HIVEP3: variants seen among roughly 807,000 people sequenced by gnomAD.
HIVEP3 encodes the protein HIVEP zinc finger 3, also known as transcription factor HIVEP3.
A neutral mutation model predicts 152.8 loss-of-function variants in HIVEP3; 49 were observed. The observed-to-expected ratio is 0.32, with a 90% confidence interval of 0.26 to 0.41. The LOEUF (loss-of-function observed/expected upper bound fraction) is 0.41, where lower values mean the gene tolerates loss of function less well. Ranked by LOEUF, HIVEP3 falls within the 10% of genes least tolerant of loss-of-function variation. The pLI, the probability that HIVEP3 is intolerant of heterozygous loss-of-function variation, is 1.00. For missense variants in HIVEP3, 2,790 were observed against 3,103.3 expected, an observed-to-expected ratio of 0.90 and a Z score of 2.40; for synonymous variants, 1,269 against 1,289.0, an observed-to-expected ratio of 0.98 and a Z score of 0.33.
At chr1:41,886,439 G>A (rs1160457001) in intron 1 of HIVEP3, among the ~76,000 whole-genome samples, 1 of 152,082 alleles carries the variant, frequency 6.6e-6, no homozygotes. Context: ...CGGTCCGGGT[G>A]CGGTGGCTCA....
chr1:41,640,794 G>C (rs543491889), intron 2 of HIVEP3, among the ~76,000 whole-genome samples: 2 of 152,208 alleles, frequency 1.3e-5, no homozygotes, highest in African/African-American at 2.4e-5. Flanking sequence ...CTACGGTCAG[G>C]CTCCATCATC....
intron 1 of HIVEP3, among the ~76,000 whole-genome samples, chr1:41,839,947 T>A (rs577777256): frequency 2.6e-5 from 4 of 152,330 alleles, no homozygotes; most frequent in Middle Eastern, 3.4e-3. Context: ...GTGTGACTAT[T>A]TAAATGAGAT....
chr1:41,825,016 G>A (rs1333093571), intron 1 of HIVEP3, among the ~76,000 whole-genome samples: 1 of 151,918 alleles, frequency 6.6e-6, no homozygotes, highest in Non-Finnish European at 1.5e-5. Flanking sequence ...GGGATTACAG[G>A]TGTTACCCAT....
chr1:41,528,318 T>G (rs1291431880), intron 5 of HIVEP3, among the ~76,000 whole-genome samples: 1 of 58,836 alleles, frequency 1.7e-5, no homozygotes, highest in African/African-American at 7.1e-5. Context: ...ACCTTCACAC[T>G]CCACACCCCC....
In HIVEP3 at chr1:41,583,200, G is replaced by A. The variant is rs374942605; in HGVS notation, c.1598C>T (p.Pro533Leu). 1.1e-5 allele frequency: 17 copies of A among 1,611,252 alleles called. No homozygotes were observed. The highest frequency in any genetic ancestry group is 5.0e-5 in the Admixed American group (3 of 59,958). Residue 533 changes from proline to leucine, a missense_variant, in exon 4 of 9, where the codon CCC (proline) becomes CTC (leucine). Around this residue, in one of 9 missense-constraint regions of HIVEP3, gnomAD observed 339 missense variants for 327.0 expected, o/e 1.04. Coordinates refer to ENST00000372583, the MANE Select transcript of HIVEP3 (RefSeq NM_024503.5). The surrounding 1 kb of genome is among the most constrained non-coding windows in gnomAD (Gnocchi z 6.9). ...GTGGCTTCTCAGGAGAGGCACAGGG[G>A]GGGCGGTACTGGGCGGGTGCTGGAG... ...LSLQHPPSTA[P>L]PVPLLRSHSM...
intron 1 of HIVEP3, among the ~76,000 whole-genome samples, chr1:41,973,543 A>G (rs1368296738): frequency 6.6e-6 from 1 of 152,270 alleles, no homozygotes; most frequent in African/African-American, 2.4e-5. Context: ...ACCAATGGAA[A>G]GAGAAAGAGA....
intron 1 of HIVEP3, among the ~76,000 whole-genome samples, chr1:41,806,726 C>T (rs748501060): frequency 1.2e-4 from 19 of 152,174 alleles, no homozygotes; most frequent in Admixed American, 3.9e-4. Flanking sequence ...CCTTGGAAGG[C>T]GCAGGGCCGG....
At chr1:41,884,723 C>G (rs2985845) in intron 1 of HIVEP3, among the ~76,000 whole-genome samples, 118,786 of 151,572 alleles carry the variant, frequency 0.78, 46,922 homozygotes, top group East Asian at 1. Flanking sequence ...TGGGTTCTAA[C>G]AGTGGCTCCT....
At chr1:41,946,193 C>T (rs950005253) in intron 1 of HIVEP3, among the ~76,000 whole-genome samples, 15 of 152,330 alleles carry the variant, frequency 9.8e-5, no homozygotes, top group Non-Finnish European at 2.1e-4. Flanking sequence ...TAAGCCGCCC[C>T]TCGTCCATGC....
intron 1 of HIVEP3, among the ~76,000 whole-genome samples, chr1:42,028,657 G>T (rs1361353394): frequency 6.6e-6 from 1 of 152,142 alleles, no homozygotes; most frequent in African/African-American, 2.4e-5. Flanking sequence ...CTGTTTATAT[G>T]CCAAGTATAG....
At chr1:41,780,780 C>A (rs1248571765) in intron 1 of HIVEP3, among the ~76,000 whole-genome samples, 11 of 152,094 alleles carry the variant, frequency 7.2e-5, no homozygotes, top group Admixed American at 7.2e-4. Flanking sequence ...CACCTAGGGG[C>A]TTCTGGTGAG....
intron 1 of HIVEP3, among the ~76,000 whole-genome samples, chr1:41,939,145 TC>T (rs1302599669): frequency 6.6e-6 from 1 of 152,176 alleles, no homozygotes; most frequent in Non-Finnish European, 1.5e-5. Context: ...TGAGAATGGC[TC>T]TTCTTTTTGT....
intron 2 of HIVEP3, among the ~76,000 whole-genome samples, chr1:41,671,110 C>G (rs1335895204): frequency 6.6e-6 from 1 of 152,206 alleles, no homozygotes; most frequent in Non-Finnish European, 1.5e-5. Flanking sequence ...CCCCTCCCCA[C>G]CCTGCCTCTC....
intron 2 of HIVEP3, among the ~76,000 whole-genome samples, chr1:41,638,097 C>T (rs776929439): frequency 6.6e-6 from 1 of 152,076 alleles, no homozygotes; most frequent in African/African-American, 2.4e-5. Context: ...TCACTTACTG[C>T]ATACAATGTA....
intron 2 of HIVEP3, among the ~76,000 whole-genome samples, chr1:41,655,582 C>CAAAAAAAAA (rs55918119): frequency 1.7e-5 from 1 of 57,432 alleles, no homozygotes; most frequent in Non-Finnish European, 3.4e-5. Context: ...CACTCCATCT[C>CAAAAAAAAA]AAAAAAAAAA....
intron 1 of HIVEP3, among the ~76,000 whole-genome samples, chr1:41,765,202 A>G (rs1394200482): frequency 3.3e-5 from 5 of 152,080 alleles, no homozygotes; most frequent in Non-Finnish European, 7.4e-5. Context: ...TAATTAATTA[A>G]CGTTTTCCCT....
chr1:41,694,089 T>G (rs1032872646), intron 2 of HIVEP3, among the ~76,000 whole-genome samples: 10 of 152,366 alleles, frequency 6.6e-5, no homozygotes, highest in Admixed American at 6.5e-5. Flanking sequence ...AAATTTTTTT[T>G]GGGATTTCGA....
At chr1:42,015,669 C>T (rs1227139582) in intron 1 of HIVEP3, among the ~76,000 whole-genome samples, 1 of 152,230 alleles carries the variant, frequency 6.6e-6, no homozygotes, top group East Asian at 1.9e-4. Flanking sequence ...TCCTTTGGTG[C>T]CACACAAGAA....
chr1:41,680,425 AC>A (rs1646020856), intron 2 of HIVEP3, among the ~76,000 whole-genome samples: 2 of 152,206 alleles, frequency 1.3e-5, no homozygotes, highest in Non-Finnish European at 2.9e-5. Flanking sequence ...CAGAAAGATC[AC>A]TTACAGGTTC....
Sources: gnomAD v4.1 joint callset for allele counts (sites outside exome capture counted in the v4.1 genomes callset) on GRCh38, gnomAD v4.1.1 for gene constraint, gnomAD v4.1.1 regional missense constraint, Gnocchi (gnomAD v3.1) non-coding constraint, MANE v1.5 for transcripts, NCBI Gene and HGNC (gene_info 2026-07-23, HGNC 2026-07-21) for gene names.